GALNT13: variants seen among roughly 807,000 people sequenced by gnomAD.
GALNT13 encodes the protein UDP-GalNAc:polypeptide N-acetylgalactosaminyltransferase 13.
In GALNT13, 28 loss-of-function variants were observed where a neutral mutation model predicts 64.2. The observed-to-expected ratio is 0.44, with a 90% CI of 0.32 to 0.60. The LOEUF (loss-of-function observed/expected upper bound fraction) is 0.60, where lower values mean the gene tolerates loss of function less well. Ranked by LOEUF, GALNT13 falls within the 20% of genes least tolerant of loss-of-function variation. The probability of loss-of-function intolerance (pLI) is 0.05; values close to 1 mark genes in which losing one functional copy is unlikely to be tolerated. For synonymous variants in GALNT13, 214 were observed against 224.6 expected (o/e 0.95, Z 0.42); for missense variants, 577 against 669.8 (o/e 0.86, Z 1.53).
chr2:153,125,578 A>C, the GALNT13 span, among the ~76,000 whole-genome samples: 5 of 152,328 alleles, frequency 3.3e-5, no homozygotes, highest in East Asian at 9.6e-4. Context: ...ATGCAGGCAT[A>C]TTATGAAAAG....
At chr2:154,269,930 A>ATATATGTATATAT (rs1553506263) in intron 8 of GALNT13, among the ~76,000 whole-genome samples, 1 of 142,894 alleles carries the variant, frequency 7.0e-6, no homozygotes, top group Non-Finnish European at 1.5e-5. Flanking sequence ...ATATATTTCT[A>ATATATGTATATAT]AAGCACAGGG....
At chr2:153,517,971 T>C in the GALNT13 span, among the ~76,000 whole-genome samples, 2 of 152,108 alleles carry the variant, frequency 1.3e-5, no homozygotes, top group Non-Finnish European at 2.9e-5. Flanking sequence ...AAACACTTGA[T>C]ATGATGCACT....
intron 4 of GALNT13, among the ~76,000 whole-genome samples, chr2:154,226,098 G>C (rs1324904661): frequency 6.6e-6 from 1 of 152,116 alleles, no homozygotes; most frequent in Admixed American, 6.6e-5. Context: ...GGAAAAGAGG[G>C]ATTCTGGCTA....
At chr2:153,850,679 A>G in the GALNT13 span, among the ~76,000 whole-genome samples, 4 of 152,228 alleles carry the variant, frequency 2.6e-5, no homozygotes, top group Non-Finnish European at 5.9e-5. Flanking sequence ...GATGGTAAAG[A>G]TTGAGCATGC....
chr2:154,019,675 G>T (rs889894447), intron 3 of GALNT13, among the ~76,000 whole-genome samples: 1 of 137,584 alleles, frequency 7.3e-6, no homozygotes, highest in South Asian at 2.6e-4. Flanking sequence ...AAATGCACAT[G>T]TTTAAATGAT....
At chr2:153,138,211 A>T in the GALNT13 span, among the ~76,000 whole-genome samples, 11 of 152,206 alleles carry the variant, frequency 7.2e-5, no homozygotes, top group African/African-American at 2.6e-4. Context: ...TCTGGAGTCC[A>T]TGCTGTTAAC....
intron 3 of GALNT13, among the ~76,000 whole-genome samples, chr2:154,023,255 T>C (rs989620719): frequency 6.6e-6 from 1 of 152,182 alleles, no homozygotes; most frequent in African/African-American, 2.4e-5. Context: ...CTTGTTAACT[T>C]TCTGTCTCGT....
chr2:153,231,068 G>A, the GALNT13 span, among the ~76,000 whole-genome samples: 1 of 152,150 alleles, frequency 6.6e-6, no homozygotes, highest in Non-Finnish European at 1.5e-5. Context: ...TGCATGTTGG[G>A]TGTTTTTCTT....
the GALNT13 span, among the ~76,000 whole-genome samples, chr2:153,561,176 A>T: frequency 1.3e-5 from 2 of 150,354 alleles, no homozygotes; most frequent in African/African-American, 4.9e-5. Flanking sequence ...ACTTTTATTG[A>T]TTTTTTTTTG....
chr2:154,340,249 CATTT>C (rs1293866131), intron 9 of GALNT13, among the ~76,000 whole-genome samples: 6 of 151,992 alleles, frequency 3.9e-5, no homozygotes, highest in African/African-American at 1.2e-4. Flanking sequence ...CATCCTTCTT[CATTT>C]ATTTACTTAT....
chr2:153,882,818 G>A (rs1686872660), intron 1 of GALNT13, among the ~76,000 whole-genome samples: 1 of 151,232 alleles, frequency 6.6e-6, no homozygotes, highest in Non-Finnish European at 1.5e-5. Flanking sequence ...TGTAGAAATG[G>A]GGGATCTTGC....
the GALNT13 span, among the ~76,000 whole-genome samples, chr2:153,693,006 A>G: frequency 6.6e-6 from 1 of 152,114 alleles, no homozygotes; most frequent in South Asian, 2.1e-4. Flanking sequence ...AAAGGCTCAA[A>G]TCTTTGTGGG....
At chr2:153,267,296 G>A in the GALNT13 span, among the ~76,000 whole-genome samples, 3,983 of 152,254 alleles carry the variant, frequency 0.026, 178 homozygotes, top group African/African-American at 0.09. Context: ...GGGACTCTGT[G>A]TGGGGGCTCC....
At position 154,414,710 on chromosome 2, in the gene GALNT13, T is replaced by A. The variant is rs187544469; in HGVS notation, c.1395+5628T>A. ...GTTGAAAGGGGTCTTTTTTCTCTTG[T>A]CATTTATAAGAATACTTTGTTAAAT... On this transcript the variant is annotated intron_variant, in intron 11 of 12. Transcript: ENST00000392825. 2.2e-3 allele frequency among the ~76,000 whole-genome samples: 330 copies of A among 152,126 alleles called. 1 individual carries two copies. The highest frequency in any genetic ancestry group is 7.0e-3 in the African/African-American group (289 of 41,546).
At chr2:154,128,449 C>A (rs982538589) in intron 3 of GALNT13, among the ~76,000 whole-genome samples, 7 of 151,930 alleles carry the variant, frequency 4.6e-5, no homozygotes, top group Non-Finnish European at 8.8e-5. Context: ...TTATTAGTAT[C>A]CTGGTTCTTT....
chr2:153,456,153 A>C, the GALNT13 span, among the ~76,000 whole-genome samples: 1 of 152,162 alleles, frequency 6.6e-6, no homozygotes, highest in Non-Finnish European at 1.5e-5. Context: ...GGAAAAGGCA[A>C]CATTCAAGCA....
chr2:153,704,189 C>T, the GALNT13 span, among the ~76,000 whole-genome samples: 1 of 152,056 alleles, frequency 6.6e-6, no homozygotes, highest in Admixed American at 6.5e-5. Context: ...ATTACCAGAA[C>T]ATTAAAAACC....
the GALNT13 span, among the ~76,000 whole-genome samples, chr2:153,814,449 A>AAG: frequency 4.0e-3 from 593 of 148,392 alleles, 1 homozygote; most frequent in Middle Eastern, 0.01. Flanking sequence ...CAATAAATAA[A>AAG]TAAGTAAGTA....
At chr2:154,166,176 G>A (rs1038302220) in intron 4 of GALNT13, among the ~76,000 whole-genome samples, 6 of 152,140 alleles carry the variant, frequency 3.9e-5, no homozygotes, top group Non-Finnish European at 4.4e-5. Flanking sequence ...AGGCTGAGGC[G>A]GGTGGATCAC....
Sources: gnomAD v4.1 joint callset for allele counts (sites outside exome capture counted in the v4.1 genomes callset) on GRCh38, gnomAD v4.1.1 for gene constraint, MANE v1.5 for transcripts, NCBI Gene and HGNC (gene_info 2026-07-23, HGNC 2026-07-21) for gene names.